PTPRD: variants seen among roughly 807,000 people sequenced by gnomAD.
PTPRD encodes the protein protein tyrosine phosphatase receptor type D.
PTPRD carries 34 observed loss-of-function variants against 214.5 expected under a neutral mutation model. The observed-to-expected ratio is 0.16, with a 90% CI of 0.12 to 0.21. PTPRD has a LOEUF of 0.21. Among genes scored for constraint, PTPRD ranks in the 10% least tolerant of loss-of-function variants. The pLI is 1.00. For missense variants in PTPRD, 2,545 were observed against 2,398.7 expected (o/e 1.06, Z -1.27); for synonymous variants, 1,128 against 845.7 (o/e 1.33, Z -5.79).
At chr9:9,882,075 T>C (rs2068913828) in intron 5 of PTPRD, among the ~76,000 whole-genome samples, 1 of 152,130 alleles carries the variant, frequency 6.6e-6, no homozygotes, top group South Asian at 2.1e-4. Context: ...GACAGACTAA[T>C]ATATATTAAG....
At chr9:8,602,780 G>A (rs891667278) in intron 14 of PTPRD, among the ~76,000 whole-genome samples, 5 of 152,166 alleles carry the variant, frequency 3.3e-5, no homozygotes, top group Admixed American at 6.5e-5. Flanking sequence ...ATGGATGCAT[G>A]TGCATATATA....
intron 11 of PTPRD, among the ~76,000 whole-genome samples, chr9:8,908,172 C>G (rs1390319588): frequency 6.6e-6 from 1 of 152,092 alleles, no homozygotes; most frequent in African/African-American, 2.4e-5. Context: ...GAAAAAATGT[C>G]TACCAAGACA....
intron 2 of PTPRD, among the ~76,000 whole-genome samples, chr9:10,504,210 TA>T (rs1385353032): frequency 2.7e-5 from 4 of 149,180 alleles, no homozygotes; most frequent in Admixed American, 2.0e-4. Context: ...ACTATTGCTG[TA>T]ACAGGTGTGA....
chr9:8,373,092 A>G (rs1025198922), intron 39 of PTPRD, among the ~76,000 whole-genome samples: 5 of 152,052 alleles, frequency 3.3e-5, no homozygotes, highest in African/African-American at 1.2e-4. Flanking sequence ...ATCCCTTTGT[A>G]ACATGGCTAT....
At chr9:8,502,091 C>T (rs2097422919) in intron 23 of PTPRD, among the ~76,000 whole-genome samples, 2 of 151,992 alleles carry the variant, frequency 1.3e-5, no homozygotes, top group Non-Finnish European at 2.9e-5. Context: ...TTTCTTACTG[C>T]CCATTCTAAA....
chr9:10,521,820 A>C (rs2134213515), intron 2 of PTPRD, among the ~76,000 whole-genome samples: 1 of 152,302 alleles, frequency 6.6e-6, no homozygotes, highest in Admixed American at 6.5e-5. Flanking sequence ...TGTTTTTATA[A>C]ACATAATGCT....
At chr9:10,347,504 G>C (rs1297965371) in intron 2 of PTPRD, among the ~76,000 whole-genome samples, 1 of 148,672 alleles carries the variant, frequency 6.7e-6, no homozygotes, top group Non-Finnish European at 1.5e-5. Flanking sequence ...TCTGCCCCCT[G>C]GGTTCAAGCA....
intron 7 of PTPRD, among the ~76,000 whole-genome samples, chr9:9,679,613 C>T (rs2097021092): frequency 6.6e-6 from 1 of 151,806 alleles, no homozygotes; most frequent in Admixed American, 6.6e-5. Flanking sequence ...ACTGTGGGAA[C>T]TTTTATGAAG....
At chr9:8,698,902 C>A (rs1050900297) in intron 12 of PTPRD, among the ~76,000 whole-genome samples, 1 of 151,180 alleles carries the variant, frequency 6.6e-6, no homozygotes, top group Non-Finnish European at 1.5e-5. Context: ...TGATAAACAT[C>A]ATCTCAAAAC....
intron 11 of PTPRD, among the ~76,000 whole-genome samples, chr9:8,841,310 C>T (rs1234599374): frequency 6.6e-6 from 1 of 152,198 alleles, no homozygotes; most frequent in African/African-American, 2.4e-5. Context: ...AAAGTAAACC[C>T]TCTACTTTTC....
intron 7 of PTPRD, among the ~76,000 whole-genome samples, chr9:9,715,920 G>A (rs1435734751): frequency 6.6e-6 from 1 of 152,092 alleles, no homozygotes; most frequent in African/African-American, 2.4e-5. Context: ...AGTTACGTAT[G>A]TATACATGTG....
At chr9:9,439,700 G>A (rs4142435) in intron 8 of PTPRD, among the ~76,000 whole-genome samples, 91,750 of 151,980 alleles carry the variant, frequency 0.6, 27,763 homozygotes, top group Middle Eastern at 0.68. Flanking sequence ...TGGCAAAACA[G>A]TGAAGATTCT....
At chr9:9,447,243 C>T (rs1283208970) in intron 8 of PTPRD, among the ~76,000 whole-genome samples, 7 of 152,094 alleles carry the variant, frequency 4.6e-5, no homozygotes, top group East Asian at 1.9e-4. Flanking sequence ...CTATTCACAA[C>T]GGCAAAGACA....
intron 9 of PTPRD, among the ~76,000 whole-genome samples, chr9:9,299,761 A>G (rs994539849): frequency 1.3e-5 from 2 of 151,454 alleles, no homozygotes; most frequent in African/African-American, 4.8e-5. Flanking sequence ...GAATAGACAC[A>G]TATGTGGGAT....
At chr9:9,687,491 T>C (rs542798914) in intron 7 of PTPRD, among the ~76,000 whole-genome samples, 1 of 151,668 alleles carries the variant, frequency 6.6e-6, no homozygotes, top group Admixed American at 6.6e-5. Context: ...TTTTCTCTAG[T>C]CCTCAGGAAA....
In PTPRD at chr9:10,490,047, A is replaced by T. The variant is rs114219246; in HGVS notation, c.-600+122351T>A. Among the ~76,000 whole-genome samples, 972 of 152,322 alleles carry T rather than the reference A, an allele frequency of 6.4e-3. 12 individuals are homozygous for T. Among genetic ancestry groups the T allele is most frequent in the African/African-American group, 0.022 (925 of 41,586 alleles). On this transcript the variant is annotated intron_variant, in intron 2 of 45. Coordinates refer to ENST00000381196, the MANE Select transcript of PTPRD (RefSeq NM_002839.4). Reference sequence around the variant, plus strand: ...TAGTTGTTAAATTGGTGTCCTTGTCAGGGAAGAGAATAATCAGTAGAGACT... The same window carrying T: ...TAGTTGTTAAATTGGTGTCCTTGTCTGGGAAGAGAATAATCAGTAGAGACT...
chr9:9,331,386 A>G (rs2042258090), intron 9 of PTPRD, among the ~76,000 whole-genome samples: 1 of 152,080 alleles, frequency 6.6e-6, no homozygotes, highest in African/African-American at 2.4e-5. Context: ...GGGATAATTC[A>G]TAGGTGGTAG....
intron 9 of PTPRD, among the ~76,000 whole-genome samples, chr9:9,370,730 A>G (rs2059241181): frequency 6.6e-6 from 1 of 152,128 alleles, no homozygotes; most frequent in East Asian, 1.9e-4. Context: ...TCCATTCAGT[A>G]TGATATTGGC....
chr9:8,314,984 T>C lies in PTPRD; in HGVS notation c.*2890A>G. On this transcript the variant is annotated 3_prime_UTR_variant, in exon 46 of 46. Coordinates refer to ENST00000381196, the MANE Select transcript of PTPRD (RefSeq NM_002839.4). Reference sequence around the variant, plus strand: ...AAAGTTCTGTACAAATCACTTTTTATATATTTTGATTTTTTTTACCATTGT... The same window carrying C: ...AAAGTTCTGTACAAATCACTTTTTACATATTTTGATTTTTTTTACCATTGT... 2 of 232,598 alleles carry C rather than the reference T, an allele frequency of 8.6e-6. No homozygotes were observed. Among genetic ancestry groups the C allele is most frequent in the Non-Finnish European group, 1.7e-5 (2 of 117,308 alleles). The allele number at this position is 232,598 out of a possible 1,614,324, so 14.4% of individuals were successfully genotyped here. A position where few individuals can be genotyped will look rare whatever the true frequency, so the allele number is the denominator to read the frequency against.
Sources: allele counts gnomAD v4.1 joint callset (sites outside exome capture counted in the v4.1 genomes callset), GRCh38; gene constraint gnomAD v4.1.1; transcripts MANE v1.5; gene names NCBI Gene and HGNC (gene_info 2026-07-23, HGNC 2026-07-21).